The following TGIF1 variants were observed in gnomAD, a reference collection of about 807,000 sequenced individuals.
The protein encoded by TGIF1 is homeobox protein TGIF1.
A neutral mutation model predicts 19.3 loss-of-function variants in TGIF1; 4 were observed. That is an observed-to-expected ratio of 0.21 (90% CI 0.10 to 0.47). TGIF1 has a LOEUF of 0.47. Ranked by LOEUF, TGIF1 falls within the 20% of genes least tolerant of loss-of-function variation. TGIF1 has a pLI of 0.98. For synonymous variants in TGIF1, 122 were observed against 129.3 expected (o/e 0.94, Z 0.38); for missense variants, 275 against 341.4 (o/e 0.81, Z 1.53).
chr18:3,430,700 T>C (rs2082536041), intron 2 of TGIF1, among the ~76,000 whole-genome samples: 1 of 145,846 alleles, frequency 6.9e-6, no homozygotes, highest in South Asian at 2.2e-4. Context: ...TTGGTAGAGA[T>C]AGGGTCTTGC....
At chr18:3,452,222 C>A (rs770281321) in intron 1 of TGIF1, 3 of 1,604,724 alleles carry the variant, frequency 1.9e-6, no homozygotes, top group Middle Eastern at 3.3e-4. Context: ...CCTGCGCCCC[C>A]CCTCCTCCAC....
chr18:3,432,424 GACA>G (rs2143197224), intron 2 of TGIF1, among the ~76,000 whole-genome samples: 1 of 152,066 alleles, frequency 6.6e-6, no homozygotes, highest in South Asian at 2.1e-4. Flanking sequence ...GACATTATTT[GACA>G]ACAAAAAATA....
intron 2 of TGIF1, among the ~76,000 whole-genome samples, chr18:3,421,645 C>T (rs1377582402): frequency 1.3e-5 from 2 of 151,854 alleles, no homozygotes; most frequent in Non-Finnish European, 2.9e-5. Flanking sequence ...CTCCCGACCT[C>T]AGGTGATCCA....
At chr18:3,422,182 A>G (rs2082407575) in intron 2 of TGIF1, among the ~76,000 whole-genome samples, 1 of 103,640 alleles carries the variant, frequency 9.6e-6, no homozygotes, top group African/African-American at 4.7e-5. Flanking sequence ...CGACAGAGTG[A>G]GACACCGTAA....
rs1361463093 is a variant in TGIF1 at position 3,456,347 on chromosome 18, T to C, written c.17-7T>C. On this transcript the variant is annotated splice_polypyrimidine_tract_variant and splice_region_variant and intron_variant, in intron 1 of 2. Transcript: ENST00000343820. This position sits in a 1 kb window ranked among gnomAD's most constrained non-coding sequence, Gnocchi z 4.2. The stretch of plus-strand genomic sequence containing the variant: ...GCAACTGACAACTGGCCCTTGTCCT[T>C]TCCTAGGTATTGTTGCAGCATCTGG... 1 of 1,613,976 alleles carries C rather than the reference T, an allele frequency of 6.2e-7. No homozygotes were observed. The highest frequency in any genetic ancestry group is 8.5e-7 in the Non-Finnish European group (1 of 1,179,832).
chr18:3,437,999 G>C (rs576313415), intron 2 of TGIF1, among the ~76,000 whole-genome samples: 1 of 151,944 alleles, frequency 6.6e-6, no homozygotes, highest in African/African-American at 2.4e-5. Context: ...CAGGAGAATC[G>C]CTTGAACCCG....
chr18:3,446,691 G>T (rs1341455363), upstream of TGIF1, among the ~76,000 whole-genome samples: 3 of 152,160 alleles, frequency 2.0e-5, no homozygotes, highest in Admixed American at 1.3e-4. Context: ...ACCTCAAGAT[G>T]GCTCTAGGCC....
At position 3,451,145 on chromosome 18, in the gene TGIF1, G is replaced by A. The variant is rs1404550892; in HGVS notation, c.16+640G>A. On this transcript the variant is annotated intron_variant, in intron 1 of 2. Coordinates refer to ENST00000343820, the MANE Select transcript of TGIF1 (RefSeq NM_003244.4). This position sits in a 1 kb window ranked among gnomAD's most constrained non-coding sequence, Gnocchi z 5.4. ...CCCCAGTCTCTAAAAGTTTTCCCAC[G>A]ATGAATTTTGGGGCAGGAGGAAGAG... 6.6e-6 allele frequency among the ~76,000 whole-genome samples: 1 copy of A among 152,134 alleles called. No homozygotes were observed. The highest frequency in any genetic ancestry group is 1.5e-5 in the Non-Finnish European group (1 of 68,016).
chr18:3,449,440 C>T (rs1254223805), upstream of TGIF1: 13 of 985,438 alleles, frequency 1.3e-5, no homozygotes, highest in Non-Finnish European at 1.6e-5. Flanking sequence ...AGTGTCTGTC[C>T]GCAACGTGTC....
At position 3,450,318 on chromosome 18, in the gene TGIF1, C is replaced by T. The variant is rs922672943; in HGVS notation, c.-172C>T. The T allele has an allele frequency of 2.3e-5, 33 of 1,453,972 alleles. No individual in the cohort carries two copies. Among genetic ancestry groups the T allele is most frequent in the Non-Finnish European group, 3.0e-5 (33 of 1,101,992 alleles). 90.1% of individuals were successfully genotyped at this position (1,453,972 alleles called of 1,614,324 possible). On this transcript the variant is annotated 5_prime_UTR_variant, in exon 1 of 3. Transcript: ENST00000343820. ...GCCCAAGTGTCACTTGAATTCCACC[C>T]AAGGAGCGGGCGCCTGGGATCAGAG...
rs56864804 is a variant in TGIF1 at position 3,438,596 on chromosome 18, A to AACACACAC, written c.-44-17733_-44-17726dup. On this transcript the variant is annotated intron_variant, in intron 2 of 3. Transcript: ENST00000401449. ...CCATTCCCATCATTTCATACACACA[A>AACACACAC]ACACACACACACACACACACACACA... 6.1e-3 allele frequency among the ~76,000 whole-genome samples: 835 copies of AACACACAC among 136,078 alleles called. 16 individuals are homozygous for AACACACAC. Among genetic ancestry groups the AACACACAC allele is most frequent in the African/African-American group, 0.013 (475 of 37,466 alleles). The allele number at this position is 136,078 out of a possible 152,430, so 89.3% of individuals were successfully genotyped here.
intron 2 of TGIF1, among the ~76,000 whole-genome samples, chr18:3,442,435 T>C (rs1490638325): frequency 6.6e-6 from 1 of 152,156 alleles, no homozygotes; most frequent in Non-Finnish European, 1.5e-5. Flanking sequence ...TGGGGACACA[T>C]TGCCTTCTTG....
chr18:3,423,553 C>T (rs539231244), intron 2 of TGIF1, among the ~76,000 whole-genome samples: 119 of 151,948 alleles, frequency 7.8e-4, no homozygotes, highest in Non-Finnish European at 1.4e-3. Context: ...TGGTGTCGGG[C>T]GCCTGTGATC....
chr18:3,436,270 A>C (rs75876926), intron 2 of TGIF1, among the ~76,000 whole-genome samples: 2,221 of 152,340 alleles, frequency 0.015, 55 homozygotes, highest in African/African-American at 0.051. Flanking sequence ...AAAGTAAGAC[A>C]GTACCAGCTA....
At position 3,439,793 on chromosome 18, in the gene TGIF1, G is replaced by A. The variant is rs1047852345; in HGVS notation, c.-44-16561G>A. 2.0e-5 allele frequency among the ~76,000 whole-genome samples: 3 copies of A among 151,970 alleles called. No individual in the cohort carries two copies. The South Asian group carries it at 6.2e-4, about 32-fold the overall frequency. Reference sequence around the variant, plus strand: ...CCCAGCACTTGGGGAAGCCAAGGTGGGCGGATAGATTGAGCCCAGGAGTTC... The same window carrying A: ...CCCAGCACTTGGGGAAGCCAAGGTGAGCGGATAGATTGAGCCCAGGAGTTC... On this transcript the variant is annotated intron_variant, in intron 2 of 3. Transcript: ENST00000401449.
At chr18:3,448,080 G>GC, upstream of TGIF1, 1 of 977,564 alleles carries the variant, frequency 1.0e-6, no homozygotes, top group Non-Finnish European at 1.2e-6. Context: ...GGGCGGGGGG[G>GC]GAGGTAGGGT....
At chr18:3,438,971 A>C (rs2082649620) in intron 2 of TGIF1, among the ~76,000 whole-genome samples, 1 of 152,220 alleles carries the variant, frequency 6.6e-6, no homozygotes. Context: ...AGAAAGAAAA[A>C]GACAATAGAG....
chr18:3,426,166 CTTT>C (rs10675936), intron 2 of TGIF1, among the ~76,000 whole-genome samples: 9 of 116,594 alleles, frequency 7.7e-5, no homozygotes, highest in Admixed American at 1.8e-4. Context: ...GGCTAGGGTC[CTTT>C]TTTTTTTTTT....
chr18:3,423,487 G>C (rs948027067), intron 2 of TGIF1, among the ~76,000 whole-genome samples: 4 of 152,000 alleles, frequency 2.6e-5, no homozygotes, highest in African/African-American at 9.7e-5. Flanking sequence ...AGACCTTCCT[G>C]GCTAACACGG....
Sources: allele counts gnomAD v4.1 joint callset (sites outside exome capture counted in the v4.1 genomes callset), GRCh38; gene constraint gnomAD v4.1.1; non-coding constraint Gnocchi (gnomAD v3.1); transcripts MANE v1.5; gene names NCBI Gene and HGNC (gene_info 2026-07-23, HGNC 2026-07-21).